Variants in AUTS2 observed in about 807,000 individuals in gnomAD.
AUTS2 encodes the protein autism susceptibility gene 2 protein.
Under a neutral mutation model 112.4 loss-of-function variants are expected in AUTS2, and 17 were observed. The ratio of observed to expected loss-of-function variants is 0.15; its 90% CI spans 0.10 to 0.23. The LOEUF (loss-of-function observed/expected upper bound fraction) is 0.23. AUTS2 is among the 10% of genes least tolerant of loss of function. The pLI, the probability that AUTS2 is intolerant of heterozygous loss-of-function variation, is 1.00. For synonymous variants in AUTS2, 751 were observed against 702.7 expected, an observed-to-expected ratio of 1.07 and a Z score of -1.09; for missense variants, 1,510 against 1,701.6, an observed-to-expected ratio of 0.89 and a Z score of 1.98.
chr7:70,705,862 C>T (rs910635866), intron 6 of AUTS2, among the ~76,000 whole-genome samples: 9 of 152,192 alleles, frequency 5.9e-5, no homozygotes, highest in African/African-American at 1.7e-4. Flanking sequence ...AAGTCAATCC[C>T]TCGTGGGGTG....
At chr7:70,437,636 T>G (rs1324808269) in intron 5 of AUTS2, 1 of 151,982 alleles carries the variant, frequency 6.6e-6, no homozygotes, top group Admixed American at 6.6e-5. Flanking sequence ...GTCAGGAGAT[T>G]GAGACCATCC....
At chr7:69,688,746 T>G (rs1348094465) in intron 1 of AUTS2, among the ~76,000 whole-genome samples, 1 of 152,182 alleles carries the variant, frequency 6.6e-6, no homozygotes, top group East Asian at 1.9e-4. Flanking sequence ...TTAGCTGTAG[T>G]TTTGTATCCT....
At chr7:70,134,452 A>C in intron 3 of AUTS2, 84 bp from the exon 4 acceptor site, 2 of 1,181,394 alleles carry the variant, frequency 1.7e-6, no homozygotes, top group Non-Finnish European at 2.5e-6. Context: ...AAAGCCTGCA[A>C]AGGGCTGGTA....
intron 1 of AUTS2, among the ~76,000 whole-genome samples, chr7:69,871,781 A>G (rs576784432): frequency 7.9e-4 from 121 of 152,310 alleles, no homozygotes; most frequent in Non-Finnish European, 8.2e-4. Context: ...GCCTCATGCT[A>G]TTCATAATGC....
chr7:70,655,160 C>T (rs548677493), intron 5 of AUTS2, among the ~76,000 whole-genome samples: 1 of 152,322 alleles, frequency 6.6e-6, no homozygotes, highest in East Asian at 1.9e-4. Context: ...TTTGGCAGTG[C>T]CTGGAAGCAG....
intron 2 of AUTS2, among the ~76,000 whole-genome samples, chr7:69,969,933 T>G (rs1434038602): frequency 3.3e-5 from 5 of 152,266 alleles, no homozygotes; most frequent in Non-Finnish European, 7.4e-5. Flanking sequence ...TTAATCAGTC[T>G]TCAGTAGTGA....
intron 2 of AUTS2, among the ~76,000 whole-genome samples, chr7:69,929,949 C>T (rs909279689): frequency 2.0e-5 from 3 of 152,064 alleles, no homozygotes; most frequent in Non-Finnish European, 4.4e-5. Context: ...TTCTATAAGT[C>T]GCCTTGAGCT....
At chr7:69,622,377 A>G (rs993626279) in intron 1 of AUTS2, among the ~76,000 whole-genome samples, 1 of 152,238 alleles carries the variant, frequency 6.6e-6, no homozygotes, top group African/African-American at 2.4e-5. Context: ...CATTTGAAAC[A>G]GGAAATGTGG....
chr7:70,756,915 C>T (rs1789246653), intron 6 of AUTS2, among the ~76,000 whole-genome samples: 1 of 152,170 alleles, frequency 6.6e-6, no homozygotes, highest in South Asian at 2.1e-4. Context: ...GCACAAATGT[C>T]GGGTGGAATT....
chr7:70,588,811 C>G (rs1355091188), intron 5 of AUTS2, among the ~76,000 whole-genome samples: 1 of 152,114 alleles, frequency 6.6e-6, no homozygotes, highest in Non-Finnish European at 1.5e-5. Context: ...ATGACTGTCT[C>G]TAGTGGGGAA....
At chr7:70,640,452 A>T (rs994987038) in intron 5 of AUTS2, among the ~76,000 whole-genome samples, 1 of 151,876 alleles carries the variant, frequency 6.6e-6, no homozygotes, top group Non-Finnish European at 1.5e-5. Flanking sequence ...ACCATAAAAA[A>T]TCCTGCATGA....
intron 14 of AUTS2, among the ~76,000 whole-genome samples, chr7:70,778,058 T>C (rs2129559366): frequency 6.6e-6 from 1 of 152,352 alleles, no homozygotes; most frequent in African/African-American, 2.4e-5. Flanking sequence ...GTTACCTCGC[T>C]GTCCAAAGAC....
At chr7:69,645,075 A>ATTTTTT in intron 1 of AUTS2, among the ~76,000 whole-genome samples, 1 of 139,718 alleles carries the variant, frequency 7.2e-6, no homozygotes. Context: ...CACCCAGTTA[A>ATTTTTT]TTTTTTTTTT....
chr7:70,161,047 G>A (rs558057011), intron 4 of AUTS2, among the ~76,000 whole-genome samples: 6 of 152,150 alleles, frequency 3.9e-5, no homozygotes, highest in South Asian at 2.1e-4. Flanking sequence ...TTCTATTTCC[G>A]TGGGAATTAG....
chr7:69,870,706 G>A (rs533806279), intron 1 of AUTS2, among the ~76,000 whole-genome samples: 12 of 151,958 alleles, frequency 7.9e-5, no homozygotes, highest in Non-Finnish European at 1.8e-4. Context: ...AGGGCCCAGT[G>A]CAGAATGAAA....
chr7:69,639,540 G>A (rs186243953), intron 1 of AUTS2, among the ~76,000 whole-genome samples: 12 of 152,324 alleles, frequency 7.9e-5, no homozygotes, highest in Admixed American at 2.0e-4. Context: ...AGAACTTAAC[G>A]CCTGCTCTGC....
intron 5 of AUTS2, among the ~76,000 whole-genome samples, chr7:70,617,689 G>A (rs1301849748): frequency 6.6e-6 from 1 of 151,708 alleles, no homozygotes; most frequent in African/African-American, 2.4e-5. Flanking sequence ...AGTTTGTGAG[G>A]GATTCCTAAG....
intron 4 of AUTS2, among the ~76,000 whole-genome samples, chr7:70,187,126 G>C (rs974023042): frequency 3.3e-5 from 5 of 152,190 alleles, no homozygotes; most frequent in Non-Finnish European, 5.9e-5. Context: ...TAGATTAGTA[G>C]GGGAGCCATT....
In AUTS2 at chr7:69,946,557, T is replaced by TAC. The variant is rs57891742; in HGVS notation, c.522+47108_522+47109dup. Among the ~76,000 whole-genome samples, 401 of 144,036 alleles carry TAC rather than the reference T, an allele frequency of 2.8e-3. 1 individual carries two copies. Among genetic ancestry groups the TAC allele is most frequent in the Non-Finnish European group, 4.0e-3 (265 of 65,724 alleles). 94.5% of individuals were successfully genotyped at this position (144,036 alleles called of 152,430 possible). A position where few individuals can be genotyped will look rare whatever the true frequency, so the allele number is the denominator to read the frequency against. On this transcript the variant is annotated intron_variant, in intron 2 of 18. Transcript: ENST00000342771. ...AATGGATAAAGAAAATGTGATGTGATACACACACACACACACACACACACA... is the reference window on the plus strand; with the variant it reads ...AATGGATAAAGAAAATGTGATGTGATACACACACACACACACACACACACACA...
Sources: allele counts gnomAD v4.1 joint callset (sites outside exome capture counted in the v4.1 genomes callset), GRCh38; gene constraint gnomAD v4.1.1; transcripts MANE v1.5; gene names NCBI Gene and HGNC (gene_info 2026-07-23, HGNC 2026-07-21).